Variants in COL19A1 observed in about 807,000 individuals in gnomAD.
The protein encoded by COL19A1 is collagen alpha-1(XIX) chain.
A neutral mutation model predicts 190.2 loss-of-function variants in COL19A1; 159 were observed. The observed-to-expected ratio is 0.84, with a 90% CI of 0.73 to 0.95. COL19A1 has a LOEUF of 0.95. Among genes scored for constraint, COL19A1 ranks in the 40% least tolerant of loss-of-function variants. The pLI, the probability that COL19A1 is intolerant of heterozygous loss-of-function variation, is 0.00. For missense variants in COL19A1, 1,418 were observed against 1,431.9 expected (o/e 0.99, Z 0.16); for synonymous variants, 509 against 458.9 (o/e 1.11, Z -1.39).
At chr6:70,129,514 T>C (rs935108174) in intron 17 of COL19A1, among the ~76,000 whole-genome samples, 2 of 152,218 alleles carry the variant, frequency 1.3e-5, no homozygotes, top group Non-Finnish European at 2.9e-5. Flanking sequence ...TACACCCAGA[T>C]GTGCATGCAC....
At position 70,165,967 on chromosome 6, in the gene COL19A1, C is replaced by CGGACCACCT. The variant is rs780649515; in HGVS notation, c.2438_2445+1dup. On this transcript the variant is annotated inframe_insertion, in exon 37 of 51. Transcript: ENST00000620364. ...GCAGCGACGGACCCCCTGGGAAACC[C>CGGACCACCT]GGACCACCTGGACCACCTGTGAGTT... The CGGACCACCT allele has an allele frequency of 1.9e-6, 3 of 1,613,912 alleles. No homozygotes were observed. The highest frequency in any genetic ancestry group is 1.3e-5 in the African/African-American group (1 of 75,014).
intron 14 of COL19A1, among the ~76,000 whole-genome samples, chr6:70,054,990 G>A (rs188910131): frequency 2.8e-4 from 43 of 152,212 alleles, no homozygotes; most frequent in African/African-American, 1.0e-3. Context: ...CAATTGGCCA[G>A]CTGGGAAAAA....
At chr6:70,190,417 C>A in intron 48 of COL19A1, 36 bp downstream of exon 48, 1 of 1,359,646 alleles carries the variant, frequency 7.4e-7, no homozygotes. Flanking sequence ...GAATTTTTCA[C>A]TGATTCCCAC....
At chr6:70,005,292 A>G (rs1361722371) in intron 11 of COL19A1, among the ~76,000 whole-genome samples, 1 of 151,942 alleles carries the variant, frequency 6.6e-6, no homozygotes, top group Non-Finnish European at 1.5e-5. Flanking sequence ...GAGTTTGTCT[A>G]GTTTTGATCT....
At position 70,161,901 on chromosome 6, in the gene COL19A1, G is replaced by A; in HGVS notation, c.2294G>A (p.Gly765Asp). The A allele has an allele frequency of 3.7e-6, 6 of 1,606,616 alleles. No homozygotes were observed. The highest frequency in any genetic ancestry group is 5.1e-6 in the Non-Finnish European group (6 of 1,176,634). ...PGIPGEKGDE[G>D]LQGIPGIPGA... ...TATGATGGGAACTATCTTTTCCAGG[G>A]TCTTCAAGGAATTCCAGGCATTCCA... Residue 765 changes from glycine to aspartate, a missense_variant and splice_region_variant, in exon 35 of 51, where the codon GGT becomes GAT. Gly to Asp is a moderately conservative substitution (Grantham distance 94, BLOSUM62 -1). Transcript: ENST00000620364.
chr6:70,066,563 G>A (rs191506051), intron 14 of COL19A1, among the ~76,000 whole-genome samples: 4,058 of 151,882 alleles, frequency 0.027, 192 homozygotes, highest in African/African-American at 0.089. Context: ...AAACCTGCAC[G>A]TTGTGCACAT....
chr6:69,896,543 C>CAAAAAAAAAAAAAAAAAAAAAA (rs61409385), intron 2 of COL19A1, among the ~76,000 whole-genome samples: 3 of 71,676 alleles, frequency 4.2e-5, no homozygotes, highest in African/African-American at 1.8e-4. Flanking sequence ...GACTCCGTCT[C>CAAAAAAAAAAAAAAAAAAAAAA]AAAAAAAAAA....
At chr6:70,136,278 G>A (rs1287167586) in intron 18 of COL19A1, among the ~76,000 whole-genome samples, 11 of 152,098 alleles carry the variant, frequency 7.2e-5, no homozygotes, top group Admixed American at 5.9e-4. Context: ...GCACTTTTTG[G>A]TAGCTGTTTG....
intron 2 of COL19A1, among the ~76,000 whole-genome samples, chr6:69,888,884 A>G (rs1357486827): frequency 6.6e-6 from 1 of 151,652 alleles, no homozygotes; most frequent in Non-Finnish European, 1.5e-5. Flanking sequence ...TTTTTTGTTA[A>G]CTGGTGTTCT....
At chr6:70,192,133 C>T (rs993376080) in intron 48 of COL19A1, among the ~76,000 whole-genome samples, 2 of 151,978 alleles carry the variant, frequency 1.3e-5, no homozygotes, top group African/African-American at 4.8e-5. Context: ...CGATCTCAGC[C>T]CACAGCAACC....
At chr6:69,918,794 G>A (rs765299694) in intron 4 of COL19A1, among the ~76,000 whole-genome samples, 6 of 152,118 alleles carry the variant, frequency 3.9e-5, no homozygotes, top group Non-Finnish European at 7.4e-5. Context: ...GGAAAGGCAG[G>A]AAAAAATAAT....
intron 23 of COL19A1, among the ~76,000 whole-genome samples, chr6:70,143,130 C>G (rs1340166036): frequency 6.6e-6 from 1 of 152,042 alleles, no homozygotes; most frequent in Non-Finnish European, 1.5e-5. Flanking sequence ...TTGGAAATGT[C>G]AAAAGAAATA....
intron 4 of COL19A1, among the ~76,000 whole-genome samples, chr6:69,916,303 C>T (rs1771302399): frequency 6.6e-6 from 1 of 152,158 alleles, no homozygotes; most frequent in Admixed American, 6.5e-5. Context: ...TGTAACAAAA[C>T]TGTGCATGCT....
At chr6:70,168,556 A>G in intron 39 of COL19A1, 99 bp from the exon 40 acceptor site, 2 of 1,060,988 alleles carry the variant, frequency 1.9e-6, no homozygotes, top group Non-Finnish European at 2.8e-6. Context: ...ACTTGCTAAT[A>G]TTCGTATGTG....
intron 11 of COL19A1, among the ~76,000 whole-genome samples, chr6:69,984,841 G>T (rs1776230409): frequency 1.3e-5 from 2 of 152,120 alleles, no homozygotes; most frequent in Admixed American, 1.3e-4. Flanking sequence ...ATCATTGAGT[G>T]TTTGAATGTT....
chr6:70,151,253 A>G, intron 30 of COL19A1, 144 bp from the exon 31 acceptor site: 7 of 695,986 alleles, frequency 1.0e-5, no homozygotes, highest in Non-Finnish European at 1.4e-5. Flanking sequence ...TATACGAAAC[A>G]TAATGTTAAG....
intron 40 of COL19A1, among the ~76,000 whole-genome samples, 195 bp downstream of exon 40, chr6:70,168,876 T>A (rs1004650441): frequency 2.0e-5 from 3 of 152,210 alleles, no homozygotes; most frequent in Non-Finnish European, 4.4e-5. Flanking sequence ...ATGTTGTCAC[T>A]GCCCTTGAGG....
intron 15 of COL19A1, among the ~76,000 whole-genome samples, chr6:70,097,154 A>G (rs1307969283): frequency 6.6e-6 from 1 of 152,088 alleles, no homozygotes; most frequent in Non-Finnish European, 1.5e-5. Flanking sequence ...TTATAAATCA[A>G]AAGTCTAATT....
At chr6:69,951,242 C>T (rs1774107535) in intron 9 of COL19A1, among the ~76,000 whole-genome samples, 1 of 151,852 alleles carries the variant, frequency 6.6e-6, no homozygotes, top group Admixed American at 6.6e-5. Context: ...GACACTTGGT[C>T]TCTCTAAATG....
Sources: gnomAD v4.1 joint callset for allele counts (sites outside exome capture counted in the v4.1 genomes callset) on GRCh38, gnomAD v4.1.1 for gene constraint, MANE v1.5 for transcripts, NCBI Gene and HGNC (gene_info 2026-07-23, HGNC 2026-07-21) for gene names.